Variants in PLCD3 observed in about 807,000 individuals in gnomAD.
PLCD3 encodes phospholipase C delta 3.
Under a neutral mutation model 82.8 loss-of-function variants are expected in PLCD3, and 62 were observed. That is an observed-to-expected ratio of 0.75 (90% CI 0.61 to 0.93). The LOEUF (loss-of-function observed/expected upper bound fraction) is 0.93. PLCD3 is among the 40% of genes least tolerant of loss of function. PLCD3 has a pLI of 0.00. For synonymous variants in PLCD3, 478 were observed against 471.8 expected, an observed-to-expected ratio of 1.01 and a Z score of -0.17; for missense variants, 1,023 against 1,103.4, an observed-to-expected ratio of 0.93 and a Z score of 1.03.
intron 3 of PLCD3, 80 bp downstream of exon 3, chr17:45,120,822 G>C: frequency 7.3e-7 from 1 of 1,365,812 alleles, no homozygotes; most frequent in Admixed American, 3.2e-5. Flanking sequence ...CCCTGGGCGT[G>C]GGGGCTCTCC....
In PLCD3 at chr17:45,118,194, G is replaced by A. The variant is rs747546827; in HGVS notation, c.1116-56C>T. On this transcript the variant is annotated intron_variant, in intron 6 of 14. Transcript: ENST00000619929. The surrounding 1 kb of genome is among the most constrained non-coding windows in gnomAD (Gnocchi z 4.1). The stretch of plus-strand genomic sequence containing the variant: ...GGTGTTGCCAGAGTGCCACAGAGCA[G>A]GGCAGCAGGCAGGCTGGGCCAGGAA... 1.9e-6 allele frequency: 3 copies of A among 1,612,316 alleles called. No individual in the cohort carries two copies. Among genetic ancestry groups the A allele is most frequent in the African/African-American group, 1.3e-5 (1 of 75,040 alleles).
chr17:45,121,239 G>C lies in PLCD3; in HGVS notation c.297C>G (p.Arg99=). 1.3e-6 allele frequency: 2 copies of C among 1,591,332 alleles called. No homozygotes were observed. The highest frequency in any genetic ancestry group is 1.7e-6 in the Non-Finnish European group (2 of 1,176,826). The change falls in exon 2 of 15, where the codon CGC becomes CGG. Residue 99 remains arginine (R), a synonymous_variant. Transcript: ENST00000619929. Reference sequence around the variant, plus strand: ...TGTGCTGCGATGGCGCACGCGGGATGCGCCGCTGGAACCACACGCTCAGGC... The same window carrying C: ...TGTGCTGCGATGGCGCACGCGGGATCCGCCGCTGGAACCACACGCTCAGGC... The part of the protein sequence containing the change: ...EDGLSVWFQR[R]IPRAPSQHIF...
At chr17:45,124,615 G>C (rs1182470553) in intron 1 of PLCD3, among the ~76,000 whole-genome samples, 1 of 152,272 alleles carries the variant, frequency 6.6e-6, no homozygotes, top group Non-Finnish European at 1.5e-5. Context: ...GGAGGGCTCA[G>C]GGCCAGGGCA....
In PLCD3 at chr17:45,115,228, G is replaced by A. The variant is rs780155227; in HGVS notation, c.1577C>T (p.Pro526Leu). Residue 526 changes from proline to leucine, a missense_variant, in exon 10 of 15, where the codon CCG becomes CTG. Pro to Leu is a moderately conservative substitution (Grantham distance 98). Transcript: ENST00000619929. ...GTACACAGCCAGGGCCGACAGCTCCGGGGAGATCTGCTTGGCCTAGGAGAC... is the reference window on the plus strand; with the variant it reads ...GTACACAGCCAGGGCCGACAGCTCCAGGGAGATCTGCTTGGCCTAGGAGAC... ...AQRRLAKQIS[P>L]ELSALAVYCH... The A allele has an allele frequency of 7.9e-5, 123 of 1,565,872 alleles. No individual in the cohort carries two copies. Among genetic ancestry groups the A allele is most frequent in the Middle Eastern group, 3.4e-4 (2 of 5,950 alleles).
intron 4 of PLCD3, among the ~76,000 whole-genome samples, chr17:45,119,251 T>C (rs2054318332): frequency 6.6e-6 from 1 of 152,158 alleles, no homozygotes; most frequent in African/African-American, 2.4e-5. Context: ...GTTTGTTTGT[T>C]TGGTCTTGCT....
intron 11 of PLCD3, 58 bp downstream of exon 11, chr17:45,114,192 G>A: frequency 7.6e-7 from 1 of 1,322,424 alleles, no homozygotes; most frequent in Non-Finnish European, 1.0e-6. Flanking sequence ...CCTCACTGCT[G>A]AGGCCTCCCC....
At chr17:45,127,784 G>A (rs2054391975) in intron 1 of PLCD3, among the ~76,000 whole-genome samples, 1 of 141,210 alleles carries the variant, frequency 7.1e-6, no homozygotes, top group Non-Finnish European at 1.5e-5. Context: ...GTGTGTATGA[G>A]TGTGAGTGAA....
In PLCD3 at chr17:45,115,398, C is replaced by T; in HGVS notation, c.1506G>A (p.Glu502=). The change falls in exon 9 of 15, where the codon GAG becomes GAA. Residue 502 remains glutamate, a synonymous_variant. Transcript: ENST00000619929. ...CCTCTTCTTCCTCCTCGTCATCCTC[C>T]TCCTCCTCCTCCCGATCCGACAGAG... is the stretch of plus-strand genomic sequence containing the variant. ...GRALSDREEE[E]EDDEEEEEEV... is the part of the protein sequence containing the mutation. 6.2e-7 allele frequency: 1 copy of T among 1,609,004 alleles called. No homozygotes were observed. The highest frequency in any genetic ancestry group is 8.5e-7 in the Non-Finnish European group (1 of 1,178,234).
chr17:45,113,018 G>A lies in PLCD3; in HGVS notation c.2132-6C>T. The A allele has an allele frequency of 1.2e-6, 2 of 1,603,066 alleles. No homozygotes were observed. Reference sequence around the variant, plus strand: ...CCCCCAGCGGGGGTTGAAGCCTAGGGCACAGGGATGGCAGTCAGAGCCCAG... The same window carrying A: ...CCCCCAGCGGGGGTTGAAGCCTAGGACACAGGGATGGCAGTCAGAGCCCAG... On this transcript the variant is annotated splice_region_variant and splice_polypyrimidine_tract_variant and intron_variant, in intron 13 of 14. Transcript: ENST00000619929.
chr17:45,120,283 T>A, intron 4 of PLCD3, 42 bp downstream of exon 4: 1 of 1,612,322 alleles, frequency 6.2e-7, no homozygotes. Context: ...GAGGTCAGAG[T>A]GATGGCAGAG....
At chr17:45,114,805 G>A (rs2054276264) in intron 10 of PLCD3, among the ~76,000 whole-genome samples, 1 of 151,972 alleles carries the variant, frequency 6.6e-6, no homozygotes, top group African/African-American at 2.4e-5. Flanking sequence ...CCTCCCCAGT[G>A]TTGCAGCAGC....
chr17:45,130,088 C>T (rs2054408503), intron 1 of PLCD3, among the ~76,000 whole-genome samples: 1 of 152,162 alleles, frequency 6.6e-6, no homozygotes, highest in African/African-American at 2.4e-5. Flanking sequence ...CCCTGGACTC[C>T]CTATGGCCTG....
At chr17:45,130,291 C>T (rs910192501) in intron 1 of PLCD3, among the ~76,000 whole-genome samples, 6 of 152,126 alleles carry the variant, frequency 3.9e-5, no homozygotes, top group Admixed American at 1.3e-4. Context: ...TACCGAGGCC[C>T]GGGCTCAGCT....
intron 1 of PLCD3, among the ~76,000 whole-genome samples, chr17:45,124,691 C>T (rs1389415142): frequency 1.3e-5 from 2 of 152,264 alleles, no homozygotes. Context: ...TCCTGCCAGG[C>T]CCAAGCCCAC....
intron 1 of PLCD3, among the ~76,000 whole-genome samples, chr17:45,127,925 TGC>T (rs2054393686): frequency 6.6e-6 from 1 of 151,970 alleles, no homozygotes; most frequent in South Asian, 2.1e-4. Context: ...TCCACAGGAA[TGC>T]GAGTCATGCA....
In PLCD3 at chr17:45,132,010, G is replaced by A. The variant is rs750455225; in HGVS notation, c.163+238C>T. Among the ~76,000 whole-genome samples, 1 of 152,078 alleles carries A rather than the reference G, an allele frequency of 6.6e-6. No homozygotes were observed. Among genetic ancestry groups the A allele is most frequent in the Non-Finnish European group, 1.5e-5 (1 of 68,000 alleles). ...CCGTGCCCGAATTCGCGCTTCAGAC[G>A]CCCCGCGAGCGCCCCCTGGTGGGAA... On this transcript the variant is annotated intron_variant, in intron 1 of 14. Transcript: ENST00000619929. The surrounding 1 kb of genome is among the most constrained non-coding windows in gnomAD (Gnocchi z 4.6).
intron 4 of PLCD3, 86 bp from the exon 5 acceptor site, chr17:45,119,129 A>G: frequency 9.9e-7 from 1 of 1,013,794 alleles, no homozygotes; most frequent in Non-Finnish European, 1.4e-6. Context: ...ACCACATCTG[A>G]GAAGGCAATG....
chr17:45,120,181 T>A, intron 4 of PLCD3, 144 bp downstream of exon 4: 2 of 1,150,744 alleles, frequency 1.7e-6, no homozygotes, highest in Non-Finnish European at 2.4e-6. Flanking sequence ...ACCCCAGATG[T>A]TGCCTTTGTG....
At chr17:45,116,379 C>T (rs191721587) in intron 8 of PLCD3, among the ~76,000 whole-genome samples, 26 of 152,000 alleles carry the variant, frequency 1.7e-4, no homozygotes, top group East Asian at 7.8e-4. Context: ...GGCAGGGACA[C>T]AGGGCCAGCA....
Sources: gnomAD v4.1 joint callset for allele counts (sites outside exome capture counted in the v4.1 genomes callset) on GRCh38, gnomAD v4.1.1 for gene constraint, Gnocchi (gnomAD v3.1) non-coding constraint, MANE v1.5 for transcripts, NCBI Gene and HGNC (gene_info 2026-07-23, HGNC 2026-07-21) for gene names.